TWNK: variants seen among roughly 807,000 people sequenced by gnomAD.
TWNK encodes twinkle mtDNA helicase, also known as T7 gp4-like protein with intramitochondrial nucleoid localization.
Under a neutral mutation model 58.2 loss-of-function variants are expected in TWNK, and 36 were observed. The ratio of observed to expected loss-of-function variants is 0.62; its 90% CI spans 0.47 to 0.82. The LOEUF is 0.82. TWNK is among the 40% of genes least tolerant of loss of function. The pLI is 0.00. For synonymous variants in TWNK, 349 were observed against 348.5 expected (o/e 1.00, Z -0.02); for missense variants, 714 against 881.0 (o/e 0.81, Z 2.40).
Position 100,993,306 on chromosome 10 carries a change from C to T in TWNK, c.1851C>T (p.Phe617=), listed in dbSNP as rs1245470603. The change falls in exon 5 of 5, where the codon TTC becomes TTT. Residue 617 remains phenylalanine (F), a synonymous_variant. Coordinates refer to ENST00000311916, the MANE Select transcript of TWNK (RefSeq NM_021830.5). ...KNRFDGDVGV[F]PLEFNKNSLT... Reference sequence around the variant, plus strand: ...GCTTTGATGGAGATGTAGGTGTCTTCCCGCTTGAGTTCAACAAGAACTCCC... The same window carrying T: ...GCTTTGATGGAGATGTAGGTGTCTTTCCGCTTGAGTTCAACAAGAACTCCC... The T allele has an allele frequency of 2.5e-6, 4 of 1,614,092 alleles. No homozygotes were observed. The highest frequency in any genetic ancestry group is 1.3e-5 in the African/African-American group (1 of 74,924).
At chr10:100,992,782 TTC>T (rs1375188895) in intron 4 of TWNK, among the ~76,000 whole-genome samples, 1 of 151,796 alleles carries the variant, frequency 6.6e-6, no homozygotes, top group Admixed American at 6.6e-5. Flanking sequence ...CTCCCATTCT[TTC>T]TCTTTTTTTT....
intron 3 of TWNK, 31 bp downstream of exon 3, chr10:100,990,574 G>C (rs1466343049): frequency 4.0e-5 from 65 of 1,613,630 alleles, no homozygotes; most frequent in Non-Finnish European, 5.3e-5. Context: ...TGTCTAGCTT[G>C]AGCCCGCTTG....
rs778236767 is a variant in TWNK, at chr10:100,993,465, G to C, written c.2010G>C (p.Gln670His). 6.2e-7 allele frequency: 1 copy of C among 1,614,182 alleles called. No homozygotes were observed. Among genetic ancestry groups the C allele is most frequent in the East Asian group, 2.2e-5 (1 of 44,888 alleles). Residue 670 changes from glutamine to histidine, a missense_variant, in exon 5 of 5, where the codon CAG becomes CAC. Coordinates refer to ENST00000311916, the MANE Select transcript of TWNK (RefSeq NM_021830.5). Reference sequence around the variant, plus strand: ...AGAACTCTGAGATTTGCTCAGGCCAGGCCCCCACTCCCGACCAGCCAGACA... The same window carrying C: ...AGAACTCTGAGATTTGCTCAGGCCACGCCCCCACTCCCGACCAGCCAGACA... ...TTQNSEICSG[Q>H]APTPDQPDTS...
chr10:100,990,826 C>T (rs780896538), intron 3 of TWNK, 43 bp from the exon 4 acceptor site: 7 of 1,609,988 alleles, frequency 4.3e-6, no homozygotes, highest in South Asian at 2.2e-5. Context: ...TGTTCTTGTC[C>T]TTCTGTGTCT....
intron 4 of TWNK, among the ~76,000 whole-genome samples, chr10:100,991,949 G>A (rs112309064): frequency 0.27 from 41,372 of 150,702 alleles, 6,525 homozygotes; most frequent in East Asian, 0.54. Context: ...CCCGGGAGGC[G>A]GAGCTTGCAG....
chr10:100,990,042 G>A (rs763343905), intron 2 of TWNK, among the ~76,000 whole-genome samples, 158 bp downstream of exon 2: 2 of 152,178 alleles, frequency 1.3e-5, no homozygotes, highest in South Asian at 2.1e-4. Context: ...ACTGGCTCAC[G>A]CCTGTAATCC....
In TWNK at chr10:100,988,494, G is replaced by T; in HGVS notation, c.284G>T (p.Gly95Val). ...TCTTCACAGCTCAAAGGCCAGACTGGTGTTACCACTTCCTTCAGCCTCTTC... is the reference window on the plus strand; with the variant it reads ...TCTTCACAGCTCAAAGGCCAGACTGTTGTTACCACTTCCTTCAGCCTCTTC... ...AESSQLKGQT[G>V]VTTSFSLFID... Residue 95 changes from glycine (G) to valine (V), a missense_variant, in exon 1 of 5, where the codon GGT becomes GTT. By Grantham distance (109) the Gly-to-Val change is moderately radical. Coordinates refer to ENST00000311916, the MANE Select transcript of TWNK (RefSeq NM_021830.5). This position sits in a 1 kb window ranked among gnomAD's most constrained non-coding sequence, Gnocchi z 5.2. 2.5e-6 allele frequency: 4 copies of T among 1,614,234 alleles called. No homozygotes were observed. In the East Asian group the frequency reaches 8.9e-5, roughly 36 times the overall value.
chr10:100,990,615 G>T, intron 3 of TWNK, 72 bp downstream of exon 3: 1 of 1,611,848 alleles, frequency 6.2e-7, no homozygotes, highest in Non-Finnish European at 8.5e-7. Context: ...CAGGCAGCTG[G>T]CCTCTAGGCA....
In TWNK at chr10:100,990,439, T is replaced by C. The variant is rs549767223; in HGVS notation, c.1488T>C (p.Thr496=). 5.8e-5 allele frequency: 93 copies of C among 1,613,128 alleles called. 1 individual carries two copies. In the East Asian group the frequency reaches 2.0e-3, roughly 35 times the overall value. ...MTFHGQQSIR[T]VIDTMQHAVY... is the part of the protein sequence containing the mutation. The stretch of plus-strand genomic sequence containing the variant: ...TCCTTGCCTTTCCTCTTCCCAGGAC[T>C]GTAATAGATACAATGCAACATGCAG... Residue 496 remains threonine (T), a synonymous_variant, in exon 3 of 5, where the codon ACT becomes ACC. Transcript: ENST00000311916.
Position 100,989,428 on chromosome 10 carries a change from A to C in TWNK, c.1218A>C (p.Arg406=). The change falls in exon 1 of 5, where the codon CGA becomes CGC. Residue 406 remains arginine (R), a synonymous_variant. Coordinates refer to ENST00000311916, the MANE Select transcript of TWNK (RefSeq NM_021830.5). This position sits in a 1 kb window ranked among gnomAD's most constrained non-coding sequence, Gnocchi z 7.6. ...PDLNRILKGH[R]KGELTVFTGP... ...TCAATCGTATCTTGAAGGGACATCG[A>C]AAGGGCGAGCTGACGGTCTTCACAG... 1.2e-6 allele frequency: 2 copies of C among 1,614,132 alleles called. No homozygotes were observed. Among genetic ancestry groups the C allele is most frequent in the East Asian group, 4.5e-5 (2 of 44,890 alleles).
rs1457399193 is a variant in TWNK at position 100,988,845 on chromosome 10, G to C, written c.635G>C (p.Gly212Ala). ...RSLVFPWFSP[G>A]GSGLRGLKLL... is the part of the protein sequence containing the mutation. ...CTTGTCTTCCCTTGGTTCTCCCCTG[G>C]GGGCTCAGGATTACGAGGCCTGAAG... The change falls in exon 1 of 5, where the codon GGG becomes GCG. Residue 212 changes from glycine (G) to alanine (A), a missense_variant. Physicochemically the swap from Gly to Ala is moderately conservative, Grantham distance 60. This residue lies in a region of TWNK where 348 missense variants were observed against 388.4 expected (regional missense o/e 0.90). Coordinates refer to ENST00000311916, the MANE Select transcript of TWNK (RefSeq NM_021830.5). The surrounding 1 kb of genome is among the most constrained non-coding windows in gnomAD (Gnocchi z 5.2). 6.2e-7 allele frequency: 1 copy of C among 1,614,160 alleles called. No individual in the cohort carries two copies. The highest frequency in any genetic ancestry group is 8.5e-7 in the Non-Finnish European group (1 of 1,180,030).
intron 4 of TWNK, among the ~76,000 whole-genome samples, chr10:100,992,504 C>A (rs540165004): frequency 7.2e-6 from 1 of 139,260 alleles, no homozygotes; most frequent in Non-Finnish European, 1.5e-5. Flanking sequence ...CGTGAGCCAC[C>A]GTGCCCAGCT....
At chr10:100,992,427 G>C (rs1220869693) in intron 4 of TWNK, among the ~76,000 whole-genome samples, 3 of 149,844 alleles carry the variant, frequency 2.0e-5, no homozygotes, top group Non-Finnish European at 4.4e-5. Flanking sequence ...GTGTTAGCCA[G>C]GATGGTCTCA....
intron 3 of TWNK, 41 bp downstream of exon 3, chr10:100,990,584 G>T: frequency 6.2e-7 from 1 of 1,613,434 alleles, no homozygotes; most frequent in South Asian, 1.1e-5. Context: ...GAGCCCGCTT[G>T]GACATACAAC....
chr10:100,993,703 CTTTG>C lies in TWNK; in HGVS notation c.*198_*201del. 2 of 655,626 alleles carry C rather than the reference CTTTG, an allele frequency of 3.1e-6. No homozygotes were observed. The highest frequency in any genetic ancestry group is 5.5e-5 in the East Asian group (2 of 36,618). 40.6% of individuals were successfully genotyped at this position (655,626 alleles called of 1,614,324 possible). A position where few individuals can be genotyped will look rare whatever the true frequency, so the allele number is the denominator to read the frequency against. ...CTGAGAAACTACTGTGTTGCTCAGGCTTTGTTTGAGGTCCTGTATATACAGCACT... is the reference window on the plus strand; with the variant it reads ...CTGAGAAACTACTGTGTTGCTCAGGCTTTGAGGTCCTGTATATACAGCACT... On this transcript the variant is annotated 3_prime_UTR_variant, in exon 5 of 5. Transcript: ENST00000311916.
chr10:100,990,046 G>A (rs1406872765), intron 2 of TWNK, among the ~76,000 whole-genome samples, 162 bp downstream of exon 2: 1 of 152,224 alleles, frequency 6.6e-6, no homozygotes, highest in Non-Finnish European at 1.5e-5. Context: ...GCTCACGCCT[G>A]TAATCCCAGC....
chr10:100,992,553 AGAAT>A (rs1182994650), intron 4 of TWNK, among the ~76,000 whole-genome samples: 6 of 148,728 alleles, frequency 4.0e-5, no homozygotes, highest in African/African-American at 9.9e-5. Flanking sequence ...AAAAAAAAAA[AGAAT>A]GGTCTCCTTC....
chr10:100,993,155 C>G lies in TWNK; in HGVS notation c.1735-35C>G. ...TTTCTGCTTTGCTCATGTCCTCTTA[C>G]TCCTGCTTTCCTCCTTCTGCCCCCT... On this transcript the variant is annotated intron_variant, in intron 4 of 4. Coordinates refer to ENST00000311916, the MANE Select transcript of TWNK (RefSeq NM_021830.5). 5 of 1,609,898 alleles carry G rather than the reference C, an allele frequency of 3.1e-6. No individual in the cohort carries two copies. The Middle Eastern group carries it at 8.6e-4, about 277-fold the overall frequency.
chr10:100,988,670 G>T lies in TWNK; in HGVS notation c.460G>T (p.Val154Phe). The T allele has an allele frequency of 6.2e-7, 1 of 1,614,092 alleles. No homozygotes were observed. The highest frequency in any genetic ancestry group is 8.5e-7 in the Non-Finnish European group (1 of 1,180,014). ...KAPEFEDSEE[V>F]RRIWNRAIPL... ...ACCAGAATTTGAGGACAGCGAGGAG[G>T]TCCGGAGGATCTGGAACCGAGCAAT... Residue 154 changes from valine (V) to phenylalanine (F), a missense_variant, in exon 1 of 5, where the codon GTC (valine) becomes TTC (phenylalanine). Physicochemically the swap from Val to Phe is conservative, Grantham distance 50 (BLOSUM62 -1). Around this residue, in one of 3 missense-constraint regions of TWNK, gnomAD observed 348 missense variants for 388.4 expected, o/e 0.90. Transcript: ENST00000311916. This position sits in a 1 kb window ranked among gnomAD's most constrained non-coding sequence, Gnocchi z 5.2.
Sources: gnomAD v4.1 joint callset for allele counts (sites outside exome capture counted in the v4.1 genomes callset) on GRCh38, gnomAD v4.1.1 for gene constraint, gnomAD v4.1.1 regional missense constraint, Gnocchi (gnomAD v3.1) non-coding constraint, MANE v1.5 for transcripts, NCBI Gene and HGNC (gene_info 2026-07-23, HGNC 2026-07-21) for gene names.